Variants in XRCC6 observed in about 807,000 individuals in gnomAD.
The protein encoded by XRCC6 is DNA repair protein Ku70.
A neutral mutation model predicts 65.7 loss-of-function variants in XRCC6; 5 were observed. That is an observed-to-expected ratio of 0.08 (90% CI 0.04 to 0.16). The LOEUF (loss-of-function observed/expected upper bound fraction) is 0.16. Ranked by LOEUF, XRCC6 falls within the 10% of genes least tolerant of loss-of-function variation. XRCC6 has a pLI of 1.00. For synonymous variants in XRCC6, 270 were observed against 270.6 expected (o/e 1.00, Z 0.02); for missense variants, 447 against 738.1 (o/e 0.61, Z 4.57).
intron 9 of XRCC6, 32 bp from the exon 10 acceptor site, chr22:41,656,871 C>G (rs2068049849): frequency 3.1e-6 from 5 of 1,611,382 alleles, no homozygotes; most frequent in Non-Finnish European, 4.2e-6. Flanking sequence ...CACTTGAAGT[C>G]AAATCAAAGA....
intron 7 of XRCC6, 22 bp from the exon 8 acceptor site, chr22:41,650,701 C>G: frequency 6.2e-7 from 1 of 1,608,584 alleles, no homozygotes; most frequent in Non-Finnish European, 8.5e-7. Context: ...CCCATTTGAT[C>G]CTTGTCGTTC....
At chr22:41,652,713 G>A (rs866024097) in intron 8 of XRCC6, among the ~76,000 whole-genome samples, 83 of 150,878 alleles carry the variant, frequency 5.5e-4, no homozygotes, top group African/African-American at 1.8e-3. Context: ...TCACTCTGTC[G>A]CCCAGGCTGG....
chr22:41,640,269 C>T (rs887293827), intron 6 of XRCC6, among the ~76,000 whole-genome samples: 2 of 152,150 alleles, frequency 1.3e-5, no homozygotes, highest in South Asian at 2.1e-4. Flanking sequence ...CTGCCTCAGC[C>T]TCCCGAGTAG....
At chr22:41,656,074 TAAA>T (rs1407963565) in intron 9 of XRCC6, among the ~76,000 whole-genome samples, 1 of 147,736 alleles carries the variant, frequency 6.8e-6, no homozygotes, top group Non-Finnish European at 1.5e-5. Context: ...TGCAAAAAAA[TAAA>T]AAAAAGTAGC....
At chr22:41,624,565 G>A (rs2067647840) in intron 2 of XRCC6, among the ~76,000 whole-genome samples, 1 of 151,388 alleles carries the variant, frequency 6.6e-6, no homozygotes, top group Non-Finnish European at 1.5e-5. Context: ...GCAGGCGCCT[G>A]TAGTCCCAGC....
At chr22:41,647,902 A>T (rs1441129392) in intron 7 of XRCC6, among the ~76,000 whole-genome samples, 1 of 151,980 alleles carries the variant, frequency 6.6e-6, no homozygotes, top group Admixed American at 6.6e-5. Flanking sequence ...ATTTTCTCCA[A>T]CTGAAGAGTT....
At chr22:41,654,311 A>G (rs552249045) in intron 9 of XRCC6, among the ~76,000 whole-genome samples, 279 of 152,226 alleles carry the variant, frequency 1.8e-3, no homozygotes, top group African/African-American at 6.5e-3. Flanking sequence ...GAGTTACTGT[A>G]GTTTTAACTT....
At chr22:41,633,622 C>T (rs1254199282) in intron 3 of XRCC6, among the ~76,000 whole-genome samples, 1 of 152,170 alleles carries the variant, frequency 6.6e-6, no homozygotes, top group African/African-American at 2.4e-5. Flanking sequence ...ACCTCGTGAT[C>T]TGCCCACTTC....
At position 41,653,617 on chromosome 22, in the gene XRCC6, C is replaced by G. The variant is rs748448265; in HGVS notation, c.1218C>G (p.Ile406Met). The change falls in exon 9 of 13, where the codon ATC becomes ATG. Residue 406 changes from isoleucine (I) to methionine (M), a missense_variant. Ile to Met is a conservative substitution (Grantham distance 10, BLOSUM62 1). Around this residue, in one of 4 missense-constraint regions of XRCC6, gnomAD observed 201 missense variants for 374.1 expected, o/e 0.54. Transcript: ENST00000360079. ...GCAGATACACACCCCGCAGGAACAT[C>G]CCTCCTTATTTTGTGGCTTTGGTGC... ...ALCRYTPRRNIPPYFVALVPQ... is the reference protein window; with the variant it reads ...ALCRYTPRRNMPPYFVALVPQ... 1.2e-6 allele frequency: 2 copies of G among 1,613,956 alleles called. No homozygotes were observed. The highest frequency in any genetic ancestry group is 1.3e-5 in the African/African-American group (1 of 74,862).
intron 8 of XRCC6, among the ~76,000 whole-genome samples, chr22:41,651,284 TGAGA>T (rs1306437381): frequency 2.1e-5 from 3 of 146,298 alleles, no homozygotes; most frequent in Non-Finnish European, 4.5e-5. Flanking sequence ...GGCCATAGAG[TGAGA>T]CTCTGTCTCA....
chr22:41,637,186 C>T (rs532556787), intron 5 of XRCC6, among the ~76,000 whole-genome samples: 1 of 148,206 alleles, frequency 6.7e-6, no homozygotes, highest in East Asian at 2.0e-4. Context: ...CAGATTCAAG[C>T]GATTCACCTG....
At chr22:41,647,828 C>T (rs954355809) in intron 7 of XRCC6, among the ~76,000 whole-genome samples, 1 of 152,052 alleles carries the variant, frequency 6.6e-6, no homozygotes, top group South Asian at 2.1e-4. Context: ...CTGCTTCAGC[C>T]TCCTAAAGTG....
At chr22:41,636,351 A>G in intron 4 of XRCC6, 100 bp downstream of exon 4, 1 of 1,497,818 alleles carries the variant, frequency 6.7e-7, no homozygotes, top group Non-Finnish European at 8.9e-7. Flanking sequence ...CATCTTGTCT[A>G]GGAGTATGCT....
At chr22:41,657,490 T>TTTATTATTATTATTA (rs138171458) in intron 10 of XRCC6, among the ~76,000 whole-genome samples, 3 of 138,244 alleles carry the variant, frequency 2.2e-5, no homozygotes, top group South Asian at 2.4e-4. Context: ...TTTTTAAAAA[T>TTTATTATTATTATTA]TTATTATTAT....
chr22:41,632,643 C>T (rs1238885556), intron 3 of XRCC6, among the ~76,000 whole-genome samples: 5 of 151,460 alleles, frequency 3.3e-5, no homozygotes, highest in Non-Finnish European at 5.9e-5. Context: ...GTAGTTGGCA[C>T]ACCAGAATAT....
In XRCC6 at chr22:41,658,351, A is replaced by C; in HGVS notation, c.1521A>C (p.Thr507=). The C allele has an allele frequency of 6.2e-7, 1 of 1,614,076 alleles. No individual in the cohort carries two copies. The highest frequency in any genetic ancestry group is 8.5e-7 in the Non-Finnish European group (1 of 1,179,952). The change falls in exon 11 of 13, where the codon ACA becomes ACC. Residue 507 remains threonine, a splice_region_variant and synonymous_variant. Coordinates refer to ENST00000360079, the MANE Select transcript of XRCC6 (RefSeq NM_001469.5). Reference sequence around the variant, plus strand: ...AGCCGGAACAAGCAGTGGACCTGACATGTAAGGAGGTTGAATAGAGTAGTT... The same window carrying C: ...AGCCGGAACAAGCAGTGGACCTGACCTGTAAGGAGGTTGAATAGAGTAGTT... ...LMEPEQAVDL[T]LPKVEAMNKR...
In XRCC6 at chr22:41,629,002, G is replaced by T. The variant is rs28741113; in HGVS notation, c.195+772G>T. On this transcript the variant is annotated intron_variant, in intron 3 of 12. Transcript: ENST00000360079. Reference sequence around the variant, plus strand: ...AAAAAAAAAAAAACAATTCTCCAAAGATATGCAGATGTCCAACAAGCACAG... The same window carrying T: ...AAAAAAAAAAAAACAATTCTCCAAATATATGCAGATGTCCAACAAGCACAG... Among the ~76,000 whole-genome samples, 109 of 123,064 alleles carry T rather than the reference G, an allele frequency of 8.9e-4. 3 individuals are homozygous for T. In the East Asian group the frequency reaches 0.019, roughly 22 times the overall value. 80.7% of individuals were successfully genotyped at this position (123,064 alleles called of 152,430 possible).
intron 3 of XRCC6, among the ~76,000 whole-genome samples, chr22:41,634,400 A>G (rs1337805146): frequency 1.3e-5 from 2 of 152,034 alleles, no homozygotes; most frequent in East Asian, 3.8e-4. Flanking sequence ...CATGTTGCCC[A>G]GGCTAGTTTC....
At position 41,636,339 on chromosome 22, in the gene XRCC6, T is replaced by C. The variant is rs2067809651; in HGVS notation, c.334+88T>C. The C allele has an allele frequency of 4.6e-6, 7 of 1,510,592 alleles. No individual in the cohort carries two copies. In the South Asian group the frequency reaches 9.5e-5, roughly 20 times the overall value. 93.6% of individuals were successfully genotyped at this position (1,510,592 alleles called of 1,614,324 possible). ...GAGGACTGTGGAGAAGGAAGCAAGT[T>C]ACATCTTGTCTAGGAGTATGCTTTC... is the stretch of plus-strand genomic sequence containing the variant. On this transcript the variant is annotated intron_variant, in intron 4 of 12. Coordinates refer to ENST00000360079, the MANE Select transcript of XRCC6 (RefSeq NM_001469.5).
Sources: gnomAD v4.1 joint callset for allele counts (sites outside exome capture counted in the v4.1 genomes callset) on GRCh38, gnomAD v4.1.1 for gene constraint, gnomAD v4.1.1 regional missense constraint, MANE v1.5 for transcripts, NCBI Gene and HGNC (gene_info 2026-07-23, HGNC 2026-07-21) for gene names.